Variants in SNX7 observed in about 807,000 individuals in gnomAD.
SNX7 encodes sorting nexin-7.
A neutral mutation model predicts 48.4 loss-of-function variants in SNX7; 35 were observed. The observed-to-expected ratio is 0.72, with a 90% CI of 0.55 to 0.96. The LOEUF (loss-of-function observed/expected upper bound fraction) is 0.96, where lower values mean the gene tolerates loss of function less well. Ranked by LOEUF, SNX7 falls within the 40% of genes least tolerant of loss-of-function variation. The pLI, the probability that SNX7 is intolerant of heterozygous loss-of-function variation, is 0.00. For missense variants in SNX7, 553 were observed against 548.9 expected (o/e 1.01, Z -0.07); for synonymous variants, 190 against 190.2 (o/e 1.00, Z 0.01).
At chr1:98,715,144 GT>G (rs1476551071) in intron 7 of SNX7, among the ~76,000 whole-genome samples, 3 of 152,000 alleles carry the variant, frequency 2.0e-5, no homozygotes, top group Admixed American at 6.6e-5. Flanking sequence ...GTTCTCTAAT[GT>G]TTTTTTGACA....
chr1:98,730,132 CA>C (rs1653427991), intron 7 of SNX7, among the ~76,000 whole-genome samples: 1 of 152,170 alleles, frequency 6.6e-6, no homozygotes, highest in Non-Finnish European at 1.5e-5. Flanking sequence ...TGTAATCCAT[CA>C]CGTAAACAGA....
chr1:98,732,545 C>A (rs1653568150), intron 7 of SNX7, among the ~76,000 whole-genome samples: 1 of 152,078 alleles, frequency 6.6e-6, no homozygotes, highest in South Asian at 2.1e-4. Context: ...CTATAGGTAT[C>A]TGCTTAGGAA....
intron 2 of SNX7, among the ~76,000 whole-genome samples, chr1:98,688,041 C>A (rs1008608563): frequency 7.9e-5 from 12 of 152,218 alleles, no homozygotes; most frequent in African/African-American, 2.9e-4. Flanking sequence ...CAAACCATAT[C>A]ATATACTAAG....
intron 2 of SNX7, 92 bp from the exon 3 acceptor site, chr1:98,690,983 G>T: frequency 1.5e-6 from 1 of 686,148 alleles, no homozygotes; most frequent in South Asian, 3.5e-5. Context: ...TTTTCTTAGA[G>T]ACCCATTTAT....
upstream of SNX7, chr1:98,661,559 GA>G (rs1436324294): frequency 4.9e-5 from 24 of 494,566 alleles, no homozygotes; most frequent in Non-Finnish European, 6.2e-5. Context: ...GCCAGGTGGG[GA>G]TGCGCCCGGC....
intron 7 of SNX7, among the ~76,000 whole-genome samples, chr1:98,715,633 T>G (rs1254981026): frequency 6.6e-6 from 1 of 152,176 alleles, no homozygotes; most frequent in African/African-American, 2.4e-5. Flanking sequence ...ATTTGATGAG[T>G]GGGACCATCT....
rs1018485629 is a variant in SNX7 at position 98,717,923 on chromosome 1, A to G, written c.1125+16020A>G. Among the ~76,000 whole-genome samples the G allele has an allele frequency of 1.6e-4, 25 of 152,106 alleles. 1 individual carries two copies. The highest frequency in any genetic ancestry group is 7.4e-5 in the Non-Finnish European group (5 of 68,020). On this transcript the variant is annotated intron_variant, in intron 7 of 8. Coordinates refer to ENST00000306121, the MANE Select transcript of SNX7 (RefSeq NM_015976.5). ...CTTTTAATGTAAACTTAGTGAGAAAAAAGACATATATCCGTGAAATGCATT... is the reference window on the plus strand; with the variant it reads ...CTTTTAATGTAAACTTAGTGAGAAAGAAGACATATATCCGTGAAATGCATT...
At position 98,742,002 on chromosome 1, in the gene SNX7, T is replaced by A. The variant is rs1242993052; in HGVS notation, c.1278+3613T>A. Among the ~76,000 whole-genome samples, 4 of 152,282 alleles carry A rather than the reference T, an allele frequency of 2.6e-5. No individual in the cohort carries two copies. The East Asian group carries it at 5.8e-4, about 22-fold the overall frequency. On this transcript the variant is annotated intron_variant, in intron 8 of 8. Coordinates refer to ENST00000306121, the MANE Select transcript of SNX7 (RefSeq NM_015976.5). ...CAGCTATTTAGGAACTGCTTTAGAA[T>A]AGCTCTGGACTTGGCAACAGCTATT...
intron 7 of SNX7, among the ~76,000 whole-genome samples, chr1:98,717,544 A>G (rs1652653756): frequency 6.6e-6 from 1 of 152,150 alleles, no homozygotes. Context: ...CAATCCTCAG[A>G]AAATACTTAC....
chr1:98,760,090 A>C lies in SNX7; in HGVS notation c.1315A>C (p.Thr439Pro), dbSNP rs933856501. ...GTGGGAGTCATTCCTTACATCACAG[A>C]CCAACCTTCACTTGGAAGAAGCCTC... is the stretch of plus-strand genomic sequence containing the variant. ...ATWESFLTSQ[T>P]NLHLEEASED... Residue 439 changes from threonine (T) to proline (P), a missense_variant, in exon 9 of 9, where the codon ACC becomes CCC. Physicochemically the swap from Thr to Pro is conservative, Grantham distance 38. Coordinates refer to ENST00000306121, the MANE Select transcript of SNX7 (RefSeq NM_015976.5). The C allele has an allele frequency of 1.2e-6, 2 of 1,610,036 alleles. No individual in the cohort carries two copies. Among genetic ancestry groups the C allele is most frequent in the Admixed American group, 1.7e-5 (1 of 59,844 alleles).
chr1:98,735,546 A>G (rs1016350216), intron 7 of SNX7, among the ~76,000 whole-genome samples: 2 of 152,134 alleles, frequency 1.3e-5, no homozygotes, highest in African/African-American at 4.8e-5. Flanking sequence ...CTTAATACCT[A>G]GACACTAGTA....
intron 1 of SNX7, among the ~76,000 whole-genome samples, chr1:98,684,436 G>A (rs117082424): frequency 1.3e-5 from 2 of 152,294 alleles, no homozygotes; most frequent in East Asian, 3.9e-4. Flanking sequence ...AAGATGGTGT[G>A]TGTCTTTTTG....
At chr1:98,682,359 AC>A in intron 1 of SNX7, among the ~76,000 whole-genome samples, 1 of 151,972 alleles carries the variant, frequency 6.6e-6, no homozygotes, top group South Asian at 2.1e-4. Flanking sequence ...AATTCCCTTT[AC>A]TTTGATCTTC....
At chr1:98,744,210 G>T (rs1354166331) in intron 8 of SNX7, among the ~76,000 whole-genome samples, 1 of 151,988 alleles carries the variant, frequency 6.6e-6, no homozygotes, top group African/African-American at 2.4e-5. Flanking sequence ...ATTTAGTAAA[G>T]TAGCTTAAAA....
chr1:98,689,231 G>A (rs1227459871), intron 2 of SNX7, among the ~76,000 whole-genome samples: 1 of 152,130 alleles, frequency 6.6e-6, no homozygotes, highest in East Asian at 1.9e-4. Flanking sequence ...CACTTTAGAA[G>A]GGACAATGAT....
At chr1:98,738,204 G>T in intron 7 of SNX7, 33 bp from the exon 8 acceptor site, 2 of 1,598,702 alleles carry the variant, frequency 1.3e-6, no homozygotes, top group South Asian at 2.3e-5. Context: ...AGAATTCATA[G>T]ATCAATGTAT....
At chr1:98,680,872 G>C (rs899792116) in intron 1 of SNX7, among the ~76,000 whole-genome samples, 5 of 152,118 alleles carry the variant, frequency 3.3e-5, no homozygotes, top group African/African-American at 1.2e-4. Flanking sequence ...ACATTTTCCT[G>C]TCTTCATCTG....
chr1:98,677,241 T>A (rs541718204), intron 1 of SNX7: 28 of 152,350 alleles, frequency 1.8e-4, no homozygotes, highest in Non-Finnish European at 1.5e-5. Flanking sequence ...TCAGTTAATT[T>A]TATTTATAAA....
intron 1 of SNX7, among the ~76,000 whole-genome samples, chr1:98,665,222 A>C (rs905247090): frequency 6.6e-6 from 1 of 152,178 alleles, no homozygotes. Context: ...ATCTAGGATA[A>C]TCAGGGAACT....
Sources: gnomAD v4.1 joint callset for allele counts (sites outside exome capture counted in the v4.1 genomes callset) on GRCh38, gnomAD v4.1.1 for gene constraint, MANE v1.5 for transcripts, NCBI Gene and HGNC (gene_info 2026-07-23, HGNC 2026-07-21) for gene names.